Variants in ZC3H8 observed in about 807,000 individuals in gnomAD.
The protein encoded by ZC3H8 is zinc finger CCCH domain-containing protein 8.
In ZC3H8, 27 loss-of-function variants were observed where a neutral mutation model predicts 42.5. The observed-to-expected ratio is 0.64, with a 90% CI of 0.47 to 0.88. ZC3H8 has a LOEUF of 0.88. Ranked by LOEUF, ZC3H8 falls within the 40% of genes least tolerant of loss-of-function variation. The pLI, the probability that ZC3H8 is intolerant of heterozygous loss-of-function variation, is 0.00. For missense variants in ZC3H8, 277 were observed against 336.1 expected (o/e 0.82, Z 1.37); for synonymous variants, 101 against 110.1 (o/e 0.92, Z 0.52).
intron 4 of ZC3H8, among the ~76,000 whole-genome samples, chr2:112,236,278 T>TA (rs892700180): frequency 6.6e-5 from 10 of 151,910 alleles, no homozygotes; most frequent in Middle Eastern, 6.8e-3. Flanking sequence ...ATAACAATAA[T>TA]AAAAAAAATC....
At position 112,214,898 on chromosome 2, in the gene ZC3H8, CTTGT is replaced by C. The variant is rs1250123233; in HGVS notation, c.*1582_*1585del. On this transcript the variant is annotated 3_prime_UTR_variant, in exon 9 of 9. Coordinates refer to ENST00000409573, the MANE Select transcript of ZC3H8 (RefSeq NM_032494.3). ...AAGATATTTCACTTACACAGGTATGCTTGTTTCTTAAAACAATTAATTTGAAAAA... is the reference window on the plus strand; with the variant it reads ...AAGATATTTCACTTACACAGGTATGCTTCTTAAAACAATTAATTTGAAAAA... The C allele has an allele frequency of 6.6e-6, 1 of 152,096 alleles. No individual in the cohort carries two copies. Among genetic ancestry groups the C allele is most frequent in the Non-Finnish European group, 1.5e-5 (1 of 68,018 alleles). 9.4% of individuals were successfully genotyped at this position (152,096 alleles called of 1,614,324 possible).
At chr2:112,230,840 G>T in intron 8 of ZC3H8, 63 bp downstream of exon 8, 1 of 1,088,328 alleles carries the variant, frequency 9.2e-7, no homozygotes, top group Non-Finnish European at 1.2e-6. Flanking sequence ...TATTGAGGTT[G>T]CATGCCAACT....
intron 2 of ZC3H8, among the ~76,000 whole-genome samples, chr2:112,240,984 T>TGCGCGC (rs749968538): frequency 7.6e-6 from 1 of 132,332 alleles, no homozygotes; most frequent in Non-Finnish European, 1.6e-5. Context: ...TGTGTGTGTG[T>TGCGCGC]GCGCGTGTGT....
intron 2 of ZC3H8, among the ~76,000 whole-genome samples, chr2:112,241,737 C>A (rs1011191160): frequency 3.3e-5 from 5 of 152,178 alleles, no homozygotes; most frequent in African/African-American, 1.2e-4. Context: ...TTCATGACCA[C>A]TGCAAAATTA....
At position 112,215,829 on chromosome 2, in the gene ZC3H8, T is replaced by C. The variant is rs746357830; in HGVS notation, c.*655A>G. On this transcript the variant is annotated 3_prime_UTR_variant, in exon 9 of 9. Coordinates refer to ENST00000409573, the MANE Select transcript of ZC3H8 (RefSeq NM_032494.3). ...CCAATGAGAAAGATAAATATTCTTA[T>C]ATTTTAACAACAGAAAAGTTACGAA... is the stretch of plus-strand genomic sequence containing the variant. 6 of 152,188 alleles carry C rather than the reference T, an allele frequency of 3.9e-5. No homozygotes were observed. The highest frequency in any genetic ancestry group is 2.1e-4 in the South Asian group (1 of 4,822). 9.4% of individuals were successfully genotyped at this position (152,188 alleles called of 1,614,324 possible).
intron 4 of ZC3H8, among the ~76,000 whole-genome samples, chr2:112,235,848 G>GT (rs1177341556): frequency 1.3e-5 from 2 of 149,976 alleles, no homozygotes; most frequent in African/African-American, 2.5e-5. Flanking sequence ...TAAAAAATTT[G>GT]TAAGACTCAG....
chr2:112,216,569 A>G (rs1233519801), intron 8 of ZC3H8, 101 bp from the exon 9 acceptor site: 2 of 152,226 alleles, frequency 1.3e-5, no homozygotes, highest in Non-Finnish European at 1.5e-5. Flanking sequence ...ACAACAACAA[A>G]AAACATATAG....
At chr2:112,249,527 T>G (rs1316236806) in intron 2 of ZC3H8, among the ~76,000 whole-genome samples, 1 of 152,124 alleles carries the variant, frequency 6.6e-6, no homozygotes, top group Admixed American at 6.5e-5. Context: ...TACTGCAACC[T>G]CCACCTCCTG....
chr2:112,250,575 CAT>C (rs1434609807), intron 1 of ZC3H8, among the ~76,000 whole-genome samples: 1 of 152,184 alleles, frequency 6.6e-6, no homozygotes, highest in Non-Finnish European at 1.5e-5. Context: ...AAGTACCCAC[CAT>C]GTACGAGGCT....
At chr2:112,231,011 T>G (rs965260381) in intron 7 of ZC3H8, 61 bp from the exon 8 acceptor site, 10 of 1,022,878 alleles carry the variant, frequency 9.8e-6, no homozygotes, top group Non-Finnish European at 1.3e-6. Flanking sequence ...TCAGGTATAC[T>G]GTCATATTCA....
At chr2:112,253,425 A>G (rs72831666) in intron 1 of ZC3H8, among the ~76,000 whole-genome samples, 91 of 152,358 alleles carry the variant, frequency 6.0e-4, no homozygotes, top group Non-Finnish European at 1.1e-3. Context: ...ACCAGAAACC[A>G]TATGAGAAAA....
intron 8 of ZC3H8, among the ~76,000 whole-genome samples, chr2:112,226,374 G>A (rs906251713): frequency 6.6e-6 from 1 of 151,902 alleles, no homozygotes; most frequent in Non-Finnish European, 1.5e-5. Context: ...AGATCATGAG[G>A]TCAGGAGATC....
At chr2:112,248,156 T>C (rs1406569906) in intron 2 of ZC3H8, among the ~76,000 whole-genome samples, 6 of 152,008 alleles carry the variant, frequency 3.9e-5, no homozygotes, top group Non-Finnish European at 1.5e-5. Flanking sequence ...TGAAACCCTG[T>C]CTCTGCTAAA....
At chr2:112,222,072 T>C (rs1168287189) in intron 8 of ZC3H8, among the ~76,000 whole-genome samples, 2 of 152,168 alleles carry the variant, frequency 1.3e-5, no homozygotes, top group African/African-American at 4.8e-5. Context: ...GGGGGTTTGA[T>C]TACAGTATAA....
intron 1 of ZC3H8, among the ~76,000 whole-genome samples, chr2:112,254,705 C>A (rs1232622933): frequency 6.6e-6 from 1 of 152,248 alleles, no homozygotes; most frequent in African/African-American, 2.4e-5. Flanking sequence ...TAAGCCTGAG[C>A]CCCGCGTTCA....
At chr2:112,235,582 C>T (rs1685283826) in intron 4 of ZC3H8, among the ~76,000 whole-genome samples, 1 of 151,994 alleles carries the variant, frequency 6.6e-6, no homozygotes, top group South Asian at 2.1e-4. Flanking sequence ...AATATTTTAC[C>T]ACCCCTTACC....
In ZC3H8 at chr2:112,231,833, C is replaced by T. The variant is rs758351113; in HGVS notation, c.843+5G>A. 2 of 1,535,806 alleles carry T rather than the reference C, an allele frequency of 1.3e-6. No individual in the cohort carries two copies. Among genetic ancestry groups the T allele is most frequent in the African/African-American group, 1.4e-5 (1 of 72,164 alleles). ...AAACAAAAGATTATTAAAAATTATA[C>T]TTACTTTAGCCAACAATTCTTGTGT... is the stretch of plus-strand genomic sequence containing the variant. On this transcript the variant is annotated splice_donor_5th_base_variant and intron_variant, in intron 7 of 8. Coordinates refer to ENST00000409573, the MANE Select transcript of ZC3H8 (RefSeq NM_032494.3).
chr2:112,252,050 T>A lies in ZC3H8; in HGVS notation c.75-1778A>T, dbSNP rs190833262. Among the ~76,000 whole-genome samples, 36 of 152,306 alleles carry A rather than the reference T, an allele frequency of 2.4e-4. No homozygotes were observed. The East Asian group carries it at 5.6e-3, about 24-fold the overall frequency. ...CTTCTCTTCTTTGTCTATATTCTCA[T>A]CTATATTCTCATTCCAGGCTATCCC... On this transcript the variant is annotated intron_variant, in intron 1 of 8. Coordinates refer to ENST00000409573, the MANE Select transcript of ZC3H8 (RefSeq NM_032494.3).
intron 8 of ZC3H8, among the ~76,000 whole-genome samples, chr2:112,227,400 C>T (rs1461778696): frequency 6.6e-6 from 1 of 152,220 alleles, no homozygotes. Flanking sequence ...TGGCAGATGC[C>T]TGCAATCCCA....
Sources: allele counts gnomAD v4.1 joint callset (sites outside exome capture counted in the v4.1 genomes callset), GRCh38; gene constraint gnomAD v4.1.1; transcripts MANE v1.5; gene names NCBI Gene and HGNC (gene_info 2026-07-23, HGNC 2026-07-21).